Variants in TENM4 observed in about 807,000 individuals in gnomAD.
TENM4 encodes teneurin transmembrane protein 4, also known as teneurin-4.
In TENM4, 82 loss-of-function variants were observed where a neutral mutation model predicts 243.3. That is an observed-to-expected ratio of 0.34 (90% CI 0.28 to 0.40). TENM4 has a LOEUF of 0.40. TENM4 is among the 10% of genes least tolerant of loss of function. The pLI is 1.00. For synonymous variants in TENM4, 1,412 were observed against 1,456.3 expected (o/e 0.97, Z 0.69); for missense variants, 3,138 against 3,673.3 (o/e 0.85, Z 3.77).
intron 19 of TENM4, among the ~76,000 whole-genome samples, chr11:78,755,397 G>C (rs575809046): frequency 6.6e-6 from 1 of 151,934 alleles, no homozygotes; most frequent in African/African-American, 2.4e-5. Context: ...TCGAACTCCC[G>C]GGCTCAAGTG....
intron 2 of TENM4, among the ~76,000 whole-genome samples, chr11:79,272,394 T>C (rs1855983194): frequency 6.6e-6 from 1 of 152,234 alleles, no homozygotes; most frequent in African/African-American, 2.4e-5. Context: ...ATTTATTTCA[T>C]CTATAAAGAA....
At chr11:78,790,904 C>G (rs148588888) in intron 15 of TENM4, among the ~76,000 whole-genome samples, 157 of 152,326 alleles carry the variant, frequency 1.0e-3, no homozygotes, top group African/African-American at 3.6e-3. Flanking sequence ...CTCACCCTTC[C>G]CATCTGGAGA....
chr11:78,948,319 A>T (rs898160996), intron 6 of TENM4, among the ~76,000 whole-genome samples: 3 of 152,128 alleles, frequency 2.0e-5, no homozygotes, highest in African/African-American at 7.2e-5. Flanking sequence ...TAATTATTCC[A>T]TATCACCTAA....
intron 4 of TENM4, among the ~76,000 whole-genome samples, chr11:79,104,813 C>T (rs931992886): frequency 1.3e-5 from 2 of 152,204 alleles, no homozygotes; most frequent in South Asian, 4.1e-4. Flanking sequence ...CTACTGTACA[C>T]AAAGCACTTT....
intron 10 of TENM4, among the ~76,000 whole-genome samples, 158 bp downstream of exon 10, chr11:78,862,804 C>T (rs1053108690): frequency 6.6e-6 from 1 of 152,194 alleles, no homozygotes; most frequent in Admixed American, 6.5e-5. Context: ...CACAGGTGGA[C>T]TGGCAGCTTG....
chr11:79,085,058 A>C (rs1393359556), intron 4 of TENM4, among the ~76,000 whole-genome samples: 1 of 152,202 alleles, frequency 6.6e-6, no homozygotes, highest in Admixed American at 6.5e-5. Context: ...TAATGTTCCC[A>C]AAAATTTCAA....
chr11:78,692,903 C>T (rs569455450), intron 28 of TENM4, among the ~76,000 whole-genome samples: 10 of 152,232 alleles, frequency 6.6e-5, no homozygotes, highest in African/African-American at 2.4e-4. Context: ...CTTCCCTGAC[C>T]ACCGCTTCTA....
intron 6 of TENM4, among the ~76,000 whole-genome samples, chr11:78,966,438 T>A (rs1425970246): frequency 2.0e-5 from 3 of 152,168 alleles, no homozygotes; most frequent in Non-Finnish European, 2.9e-5. Flanking sequence ...AAATCCTGTT[T>A]CATTCCACAA....
intron 2 of TENM4, among the ~76,000 whole-genome samples, chr11:79,234,680 T>C (rs556370874): frequency 1.3e-5 from 2 of 152,318 alleles, no homozygotes; most frequent in South Asian, 4.1e-4. Flanking sequence ...ATTTAAACAC[T>C]TAATGGGTCT....
chr11:78,690,143 G>A (rs567716439), intron 28 of TENM4, among the ~76,000 whole-genome samples: 2 of 152,310 alleles, frequency 1.3e-5, no homozygotes, highest in East Asian at 3.9e-4. Flanking sequence ...CCTAGGGGAG[G>A]CTGAAACCTG....
At chr11:79,124,989 G>C (rs1179253844) in intron 4 of TENM4, among the ~76,000 whole-genome samples, 1 of 150,570 alleles carries the variant, frequency 6.6e-6, no homozygotes, top group Non-Finnish European at 1.5e-5. Flanking sequence ...TTGGGACCAG[G>C]AGTGGTTCTA....
At chr11:78,973,065 G>A (rs1034178673) in intron 6 of TENM4, among the ~76,000 whole-genome samples, 6 of 152,128 alleles carry the variant, frequency 3.9e-5, no homozygotes, top group African/African-American at 1.4e-4. Flanking sequence ...GCCACATTTT[G>A]TTATCCATTA....
chr11:79,327,078 C>T (rs1284201669), intron 1 of TENM4, among the ~76,000 whole-genome samples: 1 of 152,170 alleles, frequency 6.6e-6, no homozygotes, highest in African/African-American at 2.4e-5. Context: ...GGACTTGATT[C>T]TTAAAACAGA....
chr11:79,210,691 C>T (rs17137863), intron 3 of TENM4, among the ~76,000 whole-genome samples: 1,805 of 152,212 alleles, frequency 0.012, 35 homozygotes, highest in African/African-American at 0.038. Context: ...GGGAAAACAC[C>T]GCCAACTGCT....
At chr11:78,925,201 T>C (rs1359608414) in intron 6 of TENM4, among the ~76,000 whole-genome samples, 1 of 152,180 alleles carries the variant, frequency 6.6e-6, no homozygotes, top group Admixed American at 6.5e-5. Context: ...GAGATTTGTG[T>C]GATTTCAGCT....
rs1469227181 is a variant in TENM4 at position 78,805,435 on chromosome 11, T to C, written c.2036A>G (p.His679Arg). The C allele has an allele frequency of 3.1e-6, 5 of 1,600,564 alleles. No individual in the cohort carries two copies. The highest frequency in any genetic ancestry group is 4.3e-6 in the Non-Finnish European group (5 of 1,173,586). ...GRGVCVRGEC[H>R]CSVGWGGTNC... Reference sequence around the variant, plus strand: ...GGTGCCTCCCCATCCCACAGAGCAGTGGCATTCGCCTCTCACGCAGACACC... The same window carrying C: ...GGTGCCTCCCCATCCCACAGAGCAGCGGCATTCGCCTCTCACGCAGACACC... The change falls in exon 15 of 34, where the codon CAC (histidine) becomes CGC (arginine). Residue 679 changes from histidine (H) to arginine (R), a missense_variant. His to Arg is a conservative substitution (Grantham distance 29, BLOSUM62 0). This residue lies in a region of TENM4 where 2,467 missense variants were observed against 3,059.1 expected (regional missense o/e 0.81). Coordinates refer to ENST00000278550, the MANE Select transcript of TENM4 (RefSeq NM_001098816.3).
intron 32 of TENM4, 71 bp downstream of exon 32, chr11:78,668,866 G>C (rs1033238014): frequency 1.1e-5 from 17 of 1,507,746 alleles, no homozygotes; most frequent in Non-Finnish European, 1.5e-5. Flanking sequence ...CTTTCTCAAA[G>C]AAGACTAAGT....
chr11:79,062,844 C>T (rs1174814893), intron 6 of TENM4, among the ~76,000 whole-genome samples: 1 of 152,120 alleles, frequency 6.6e-6, no homozygotes, highest in Non-Finnish European at 1.5e-5. Flanking sequence ...ATTTAATGCT[C>T]AAGTTCAGTG....
At chr11:79,378,068 C>T (rs1379465315) in intron 1 of TENM4, among the ~76,000 whole-genome samples, 1 of 152,156 alleles carries the variant, frequency 6.6e-6, no homozygotes, top group African/African-American at 2.4e-5. Context: ...CTTTTCTAGA[C>T]CCACTGGTCT....
Sources: allele counts gnomAD v4.1 joint callset (sites outside exome capture counted in the v4.1 genomes callset), GRCh38; gene constraint gnomAD v4.1.1; regional missense constraint gnomAD v4.1.1; transcripts MANE v1.5; gene names NCBI Gene and HGNC (gene_info 2026-07-23, HGNC 2026-07-21).